The following CNTNAP2 variants were observed in gnomAD, a reference collection of about 807,000 sequenced individuals.
CNTNAP2 encodes the protein contactin-associated protein-like 2.
Under a neutral mutation model 155.2 loss-of-function variants are expected in CNTNAP2, and 98 were observed. The observed-to-expected ratio is 0.63, with a 90% CI of 0.54 to 0.75. CNTNAP2 has a LOEUF of 0.75. Ranked by LOEUF, CNTNAP2 falls within the 30% of genes least tolerant of loss-of-function variation. The pLI, the probability that CNTNAP2 is intolerant of heterozygous loss-of-function variation, is 0.00. For synonymous variants in CNTNAP2, 651 were observed against 631.2 expected, an observed-to-expected ratio of 1.03 and a Z score of -0.47; for missense variants, 1,727 against 1,688.1, an observed-to-expected ratio of 1.02 and a Z score of -0.40.
intron 1 of CNTNAP2, among the ~76,000 whole-genome samples, chr7:146,451,543 G>A (rs1193086150): frequency 6.6e-6 from 1 of 152,014 alleles, no homozygotes; most frequent in Non-Finnish European, 1.5e-5. Context: ...CTGCACATTA[G>A]GTATAGTGCT....
intron 13 of CNTNAP2, among the ~76,000 whole-genome samples, chr7:147,813,293 C>A (rs139856076): frequency 6.6e-6 from 1 of 152,162 alleles, no homozygotes; most frequent in African/African-American, 2.4e-5. Context: ...CATTTTTTAC[C>A]AGGAAGTTGA....
At chr7:146,754,379 C>T (rs1801956354) in intron 1 of CNTNAP2, among the ~76,000 whole-genome samples, 1 of 151,148 alleles carries the variant, frequency 6.6e-6, no homozygotes, top group South Asian at 2.1e-4. Flanking sequence ...AAATCATGTC[C>T]GTTAAGTATA....
rs968096688 is a variant in CNTNAP2 at position 148,393,922 on chromosome 7, C to A, written c.3715+10034C>A. On this transcript the variant is annotated intron_variant, in intron 22 of 23. Coordinates refer to ENST00000361727, the MANE Select transcript of CNTNAP2 (RefSeq NM_014141.6). ...CAATAATTATTTATATCTTTATATTCTTTCCTATTGATTTATAAGTATTCT... is the reference window on the plus strand; with the variant it reads ...CAATAATTATTTATATCTTTATATTATTTCCTATTGATTTATAAGTATTCT... Among the ~76,000 whole-genome samples, 6 of 151,372 alleles carry A rather than the reference C, an allele frequency of 4.0e-5. 1 individual carries two copies. The highest frequency in any genetic ancestry group is 1.2e-4 in the African/African-American group (5 of 41,216).
intron 13 of CNTNAP2, among the ~76,000 whole-genome samples, chr7:147,785,911 GA>G (rs1329055030): frequency 6.6e-6 from 1 of 152,156 alleles, no homozygotes; most frequent in African/African-American, 2.4e-5. Flanking sequence ...AGAATCACCT[GA>G]ACCCAGGATG....
chr7:148,122,867 A>AAAAAAAAAAAT, intron 16 of CNTNAP2, among the ~76,000 whole-genome samples: 1 of 150,832 alleles, frequency 6.6e-6, no homozygotes, highest in African/African-American at 2.5e-5. Flanking sequence ...AAAAAAAAAG[A>AAAAAAAAAAAT]AAAAAAAAGA....
At chr7:147,447,261 C>T (rs1797756251) in intron 10 of CNTNAP2, among the ~76,000 whole-genome samples, 1 of 152,024 alleles carries the variant, frequency 6.6e-6, no homozygotes, top group Non-Finnish European at 1.5e-5. Context: ...ACATGCTCTA[C>T]ATGTGAATAT....
chr7:147,074,181 A>G (rs1346753390), intron 4 of CNTNAP2, among the ~76,000 whole-genome samples: 2 of 152,072 alleles, frequency 1.3e-5, no homozygotes, highest in Non-Finnish European at 2.9e-5. Flanking sequence ...CCTGATAATC[A>G]TTCTGCTTCC....
intron 8 of CNTNAP2, among the ~76,000 whole-genome samples, chr7:147,246,980 C>G (rs1496546): frequency 0.011 from 1,697 of 152,268 alleles, 28 homozygotes; most frequent in African/African-American, 0.039. Context: ...AATCACTGAA[C>G]AGAGTTGGAA....
At chr7:146,703,768 T>A (rs901360866) in intron 1 of CNTNAP2, among the ~76,000 whole-genome samples, 1 of 152,064 alleles carries the variant, frequency 6.6e-6, no homozygotes, top group Non-Finnish European at 1.5e-5. Flanking sequence ...CTCCCAAAGG[T>A]CCCACCTTTT....
intron 12 of CNTNAP2, among the ~76,000 whole-genome samples, chr7:147,607,875 A>C (rs1035412768): frequency 1.3e-5 from 2 of 152,220 alleles, no homozygotes; most frequent in African/African-American, 2.4e-5. Context: ...AGAATTTTTT[A>C]AAATATTGCA....
At chr7:146,421,950 A>G (rs979950430) in intron 1 of CNTNAP2, among the ~76,000 whole-genome samples, 1 of 152,014 alleles carries the variant, frequency 6.6e-6, no homozygotes, top group South Asian at 2.1e-4. Context: ...TTCACTGAAG[A>G]GTACAACTTT....
intron 1 of CNTNAP2, among the ~76,000 whole-genome samples, chr7:146,654,361 G>C (rs1359715125): frequency 1.3e-5 from 2 of 151,990 alleles, no homozygotes; most frequent in African/African-American, 4.8e-5. Context: ...GGTTTCCCTA[G>C]TCTGCATCAT....
At chr7:146,671,703 A>G (rs1035011662) in intron 1 of CNTNAP2, among the ~76,000 whole-genome samples, 3 of 152,206 alleles carry the variant, frequency 2.0e-5, no homozygotes, top group Non-Finnish European at 4.4e-5. Context: ...CAGAATAAAA[A>G]TAAAGATAAT....
chr7:146,854,871 T>A (rs1216577624), intron 3 of CNTNAP2, among the ~76,000 whole-genome samples: 2 of 152,160 alleles, frequency 1.3e-5, no homozygotes, highest in Non-Finnish European at 2.9e-5. Flanking sequence ...TGTTTGTTAG[T>A]ATTATTTTTG....
At chr7:146,562,383 A>T (rs557924271) in intron 1 of CNTNAP2, among the ~76,000 whole-genome samples, 3 of 152,204 alleles carry the variant, frequency 2.0e-5, no homozygotes, top group African/African-American at 4.8e-5. Context: ...GTGCTAAAAA[A>T]TTAAAAAGGT....
intron 13 of CNTNAP2, among the ~76,000 whole-genome samples, chr7:147,659,832 C>G (rs1299301479): frequency 3.9e-5 from 6 of 152,030 alleles, no homozygotes. Context: ...TGCATACTGC[C>G]TTTTTCCCCT....
rs575685789 is a variant in CNTNAP2, at chr7:146,246,081, A to G, written c.97+129108A>G. Among the ~76,000 whole-genome samples the G allele has an allele frequency of 4.0e-3, 609 of 151,824 alleles. 5 individuals carry two copies. The East Asian group carries it at 0.064, about 16-fold the overall frequency. ...TTTAAAAGGCCATGCTGTAGCAGGC[A>G]AGTGATAGCAGGCTTTAATCCTTTC... On this transcript the variant is annotated intron_variant, in intron 1 of 23. Transcript: ENST00000361727.
chr7:147,061,193 G>A (rs1799663182), intron 4 of CNTNAP2, among the ~76,000 whole-genome samples: 1 of 152,016 alleles, frequency 6.6e-6, no homozygotes, highest in South Asian at 2.1e-4. Flanking sequence ...CTAGGAATGT[G>A]CTACACACCA....
At chr7:147,477,006 A>C (rs1798335292) in intron 10 of CNTNAP2, among the ~76,000 whole-genome samples, 1 of 151,832 alleles carries the variant, frequency 6.6e-6, no homozygotes, top group African/African-American at 2.4e-5. Flanking sequence ...CAGATAACTC[A>C]AACTTGATAC....
Sources: gnomAD v4.1 joint callset for allele counts (sites outside exome capture counted in the v4.1 genomes callset) on GRCh38, gnomAD v4.1.1 for gene constraint, MANE v1.5 for transcripts, NCBI Gene and HGNC (gene_info 2026-07-23, HGNC 2026-07-21) for gene names.